The following ALKBH5 variants were observed in gnomAD, a reference collection of about 807,000 sequenced individuals.
The protein encoded by ALKBH5 is alkB homolog 5, RNA demethylase.
A neutral mutation model predicts 32.1 loss-of-function variants in ALKBH5; 2 were observed. The observed-to-expected ratio is 0.06, with a 90% CI of 0.03 to 0.20. The LOEUF is 0.20. Ranked by LOEUF, ALKBH5 falls within the 10% of genes least tolerant of loss-of-function variation. ALKBH5 has a pLI of 1.00. For synonymous variants in ALKBH5, 300 were observed against 231.7 expected (o/e 1.29, Z -2.68); for missense variants, 352 against 559.5 (o/e 0.63, Z 3.74).
At chr17:18,200,371 G>T (rs2047229585) in intron 2 of ALKBH5, among the ~76,000 whole-genome samples, 1 of 152,112 alleles carries the variant, frequency 6.6e-6, no homozygotes, top group African/African-American at 2.4e-5. Context: ...CAATCCCTTG[G>T]TTTTTAGGAG....
intron 2 of ALKBH5, among the ~76,000 whole-genome samples, chr17:18,205,472 C>T (rs1250446759): frequency 2.6e-5 from 4 of 152,216 alleles, no homozygotes; most frequent in Non-Finnish European, 5.9e-5. Context: ...GGGCCTGAGG[C>T]ATCAGAACAT....
chr17:18,186,289 T>G (rs1384085523), intron 1 of ALKBH5, among the ~76,000 whole-genome samples: 1 of 152,202 alleles, frequency 6.6e-6, no homozygotes, highest in African/African-American at 2.4e-5. Context: ...CTTCTGAGCT[T>G]CTCAGATCTT....
rs1303328373 is a variant in ALKBH5, at chr17:18,208,894, A to T, written c.*498A>T. 1.2e-4 allele frequency: 27 copies of T among 233,708 alleles called. No homozygotes were observed. Among genetic ancestry groups the T allele is most frequent in the Non-Finnish European group, 2.2e-4 (26 of 117,172 alleles). The allele number at this position is 233,708 out of a possible 1,614,324, so 14.5% of individuals were successfully genotyped here. ...CAGGCTCTGCTGTTCTCCACTTCTC[A>T]CCTGCCATCCACGCCCTGCAAGCTC... On this transcript the variant is annotated 3_prime_UTR_variant, in exon 4 of 4. Transcript: ENST00000399138.
At chr17:18,195,791 C>T (rs2047201191) in intron 2 of ALKBH5, among the ~76,000 whole-genome samples, 1 of 152,184 alleles carries the variant, frequency 6.6e-6, no homozygotes, top group Admixed American at 6.5e-5. Flanking sequence ...GCAAGTGCCA[C>T]CATACCTGGT....
intron 2 of ALKBH5, among the ~76,000 whole-genome samples, chr17:18,201,971 C>T (rs1476434723): frequency 1.3e-5 from 2 of 151,932 alleles, no homozygotes; most frequent in Non-Finnish European, 2.9e-5. Flanking sequence ...GCTGTAATCC[C>T]ACCCGTGCAC....
In ALKBH5 at chr17:18,206,892, G is replaced by A. The variant is rs748504025; in HGVS notation, c.929G>A (p.Arg310His). Reference sequence around the variant, plus strand: ...TTACCACCCAGCTATGCTTCAGATCGCCTGTCAGGAAACAACAGGGACCCT... The same window carrying A: ...TTACCACCCAGCTATGCTTCAGATCACCTGTCAGGAAACAACAGGGACCCT... ...SVLPPSYASD[R>H]LSGNNRDPAL... Residue 310 changes from arginine (R) to histidine (H), a missense_variant, in exon 3 of 4, where the codon CGC becomes CAC. By Grantham distance (29) the Arg-to-His change is conservative (BLOSUM62 0). Transcript: ENST00000399138. The A allele has an allele frequency of 5.6e-6, 9 of 1,614,216 alleles. No individual in the cohort carries two copies. Among genetic ancestry groups the A allele is most frequent in the South Asian group, 5.5e-5 (5 of 91,086 alleles).
At chr17:18,201,783 A>G (rs867677381) in intron 2 of ALKBH5, among the ~76,000 whole-genome samples, 979 of 95,486 alleles carry the variant, frequency 0.01, 5 homozygotes, top group South Asian at 0.015. Flanking sequence ...AGATAGATAG[A>G]TAGGATAGAT....
intron 1 of ALKBH5, among the ~76,000 whole-genome samples, chr17:18,193,971 T>C (rs2047191812): frequency 6.6e-6 from 1 of 152,058 alleles, no homozygotes; most frequent in African/African-American, 2.4e-5. Context: ...AGTGATAGCA[T>C]GTGAGGGGTA....
chr17:18,201,799 A>AGATAG, intron 2 of ALKBH5, among the ~76,000 whole-genome samples: 1 of 40,778 alleles, frequency 2.5e-5, no homozygotes, highest in African/African-American at 1.2e-4. Flanking sequence ...TAGATAAGAT[A>AGATAG]GATAGATAGA....
chr17:18,204,412 G>A (rs531421792), intron 2 of ALKBH5, among the ~76,000 whole-genome samples: 1 of 148,744 alleles, frequency 6.7e-6, no homozygotes, highest in South Asian at 2.1e-4. Flanking sequence ...GATCGTGCCA[G>A]TGCACTCCAC....
intron 2 of ALKBH5, among the ~76,000 whole-genome samples, chr17:18,202,974 T>C (rs1444917913): frequency 1.3e-5 from 2 of 149,760 alleles, no homozygotes; most frequent in Non-Finnish European, 3.0e-5. Context: ...CTCATGAGGC[T>C]GAGGCAGGAG....
chr17:18,190,572 A>AT (rs1159739271), intron 1 of ALKBH5, among the ~76,000 whole-genome samples: 14 of 146,232 alleles, frequency 9.6e-5, no homozygotes, highest in African/African-American at 3.3e-4. Flanking sequence ...AAAAAAAAAA[A>AT]TTTCAGACAC....
At chr17:18,190,553 A>AAG (rs1467389057) in intron 1 of ALKBH5, among the ~76,000 whole-genome samples, 8 of 146,350 alleles carry the variant, frequency 5.5e-5, no homozygotes, top group African/African-American at 2.1e-4. Context: ...TGTTTCCGAA[A>AAG]AAAAAAAAAA....
chr17:18,208,486 GGGTTTTT>G lies in ALKBH5; in HGVS notation c.*92_*98del, dbSNP rs2142493424. The G allele has an allele frequency of 7.0e-7, 1 of 1,432,180 alleles. No individual in the cohort carries two copies. The highest frequency in any genetic ancestry group is 9.6e-7 in the Non-Finnish European group (1 of 1,044,312). The allele number at this position is 1,432,180 out of a possible 1,614,324, so 88.7% of individuals were successfully genotyped here. A position where few individuals can be genotyped will look rare whatever the true frequency, so the allele number is the denominator to read the frequency against. On this transcript the variant is annotated 3_prime_UTR_variant, in exon 4 of 4. Transcript: ENST00000399138. ...GAGGGTTTTGTTTTTGTTCATTGGG[GGGTTTTT>G]GTTTTTTGTTTTTTGTTTTTTTTGA...
chr17:18,203,481 C>T (rs1455498958), intron 2 of ALKBH5, among the ~76,000 whole-genome samples: 1 of 152,230 alleles, frequency 6.6e-6, no homozygotes, highest in African/African-American at 2.4e-5. Flanking sequence ...CTGGGTATCA[C>T]GGTCAACCTC....
At chr17:18,195,617 A>C (rs1168488226) in intron 2 of ALKBH5, among the ~76,000 whole-genome samples, 2 of 152,204 alleles carry the variant, frequency 1.3e-5, no homozygotes, top group Non-Finnish European at 2.9e-5. Context: ...TGAGTGGAAG[A>C]AGCCATAGCC....
intron 2 of ALKBH5, among the ~76,000 whole-genome samples, chr17:18,200,908 C>T (rs1205049194): frequency 6.6e-6 from 1 of 152,218 alleles, no homozygotes; most frequent in East Asian, 1.9e-4. Context: ...AAATGTTAAG[C>T]GCGCTGGGGA....
At chr17:18,207,990 C>G (rs974399263) in intron 3 of ALKBH5, among the ~76,000 whole-genome samples, 1 of 152,120 alleles carries the variant, frequency 6.6e-6, no homozygotes, top group Admixed American at 6.5e-5. Context: ...CACCAGACTC[C>G]AAGCCAGGCA....
intron 2 of ALKBH5, among the ~76,000 whole-genome samples, chr17:18,195,786 T>C (rs946299317): frequency 6.6e-6 from 1 of 152,216 alleles, no homozygotes; most frequent in South Asian, 2.1e-4. Context: ...TAGAGGCAAG[T>C]GCCACCATAC....
Sources: allele counts gnomAD v4.1 joint callset (sites outside exome capture counted in the v4.1 genomes callset), GRCh38; gene constraint gnomAD v4.1.1; transcripts MANE v1.5; gene names NCBI Gene and HGNC (gene_info 2026-07-23, HGNC 2026-07-21).